SPAG7: variants seen among roughly 807,000 people sequenced by gnomAD.
SPAG7 encodes the protein sperm-associated antigen 7.
SPAG7 carries 20 observed loss-of-function variants against 30.6 expected under a neutral mutation model. The ratio of observed to expected loss-of-function variants is 0.65; its 90% CI spans 0.46 to 0.95. The LOEUF (loss-of-function observed/expected upper bound fraction) is 0.95. Ranked by LOEUF, SPAG7 falls within the 40% of genes least tolerant of loss-of-function variation. SPAG7 has a pLI of 0.00. For missense variants in SPAG7, 276 were observed against 291.1 expected (o/e 0.95, Z 0.38); for synonymous variants, 127 against 104.2 (o/e 1.22, Z -1.33).
intron 1 of SPAG7, among the ~76,000 whole-genome samples, chr17:4,962,928 A>T (rs1270083250): frequency 6.2e-5 from 9 of 146,114 alleles, no homozygotes; most frequent in Non-Finnish European, 1.4e-4. Context: ...GCCTTGGCTA[A>T]TTTTTTTTTT....
chr17:4,959,644 C>T lies in SPAG7; in HGVS notation c.575-1G>A. 1 of 1,614,000 alleles carries T rather than the reference C, an allele frequency of 6.2e-7. No homozygotes were observed. Among genetic ancestry groups the T allele is most frequent in the Non-Finnish European group, 8.5e-7 (1 of 1,179,942 alleles). ...GTGTCCCTCTTATTGGCCACGGGCA[C>T]TAGGGGCAGAGAGGAGGGTAGGGCG... On this transcript the variant is annotated splice_acceptor_variant, in intron 6 of 6. Coordinates refer to ENST00000206020, the MANE Select transcript of SPAG7 (RefSeq NM_004890.3). LOFTEE classifies it high-confidence loss of function.
intron 1 of SPAG7, chr17:4,966,842 G>A: frequency 1.0e-6 from 1 of 985,502 alleles, no homozygotes; most frequent in Non-Finnish European, 1.2e-6. Flanking sequence ...TACTTGGAAG[G>A]CGTCCTGCCT....
Position 4,967,756 on chromosome 17 carries a change from T to C in SPAG7, c.49A>G (p.Ser17Gly), listed in dbSNP as rs1971994044. ...SILSSMEKPPSLGDQETRRKA... is the reference protein window; with the variant it reads ...SILSSMEKPPGLGDQETRRKA... ...CGCCGAGTCTCCTGGTCACCGAGGC[T>C]GGGTGGCTTCTCCATGGAGCTCAGG... Residue 17 changes from serine to glycine, a missense_variant, in exon 1 of 7, where the codon AGC becomes GGC. Coordinates refer to ENST00000206020, the MANE Select transcript of SPAG7 (RefSeq NM_004890.3). 6.2e-7 allele frequency: 1 copy of C among 1,614,128 alleles called. No homozygotes were observed. Among genetic ancestry groups the C allele is most frequent in the Non-Finnish European group, 8.5e-7 (1 of 1,179,994 alleles).
chr17:4,960,867 A>G lies in SPAG7; in HGVS notation c.86-14T>C. On this transcript the variant is annotated splice_polypyrimidine_tract_variant and intron_variant, in intron 1 of 6. Transcript: ENST00000206020. ...GGGCGGCCTGTTCTGGGGGTGAGAAATGGCAACATGAAGCCAGGGCTGGAA... is the reference window on the plus strand; with the variant it reads ...GGGCGGCCTGTTCTGGGGGTGAGAAGTGGCAACATGAAGCCAGGGCTGGAA... 3 of 1,613,362 alleles carry G rather than the reference A, an allele frequency of 1.9e-6. No individual in the cohort carries two copies. The highest frequency in any genetic ancestry group is 2.5e-6 in the Non-Finnish European group (3 of 1,179,536).
At chr17:4,960,886 G>A (rs371676717) in intron 1 of SPAG7, 33 bp from the exon 2 acceptor site, 39 of 1,601,266 alleles carry the variant, frequency 2.4e-5, no homozygotes, top group Non-Finnish European at 3.2e-5. Flanking sequence ...TGAAGCCAGG[G>A]CTGGAAGCAT....
intron 1 of SPAG7, among the ~76,000 whole-genome samples, chr17:4,963,326 G>A (rs1271272464): frequency 2.0e-5 from 3 of 151,958 alleles, no homozygotes; most frequent in Non-Finnish European, 4.4e-5. Context: ...AGGTCTAGGT[G>A]ACAGAGCAAG....
intron 1 of SPAG7, chr17:4,966,709 T>C (rs1971959170): frequency 3.0e-6 from 3 of 985,470 alleles, no homozygotes; most frequent in African/African-American, 1.7e-5. Flanking sequence ...TAAACTTACG[T>C]GTGATCACTG....
At position 4,959,529 on chromosome 17, in the gene SPAG7, G is replaced by A; in HGVS notation, c.*5C>T. The A allele has an allele frequency of 1.2e-6, 2 of 1,610,828 alleles. No individual in the cohort carries two copies. Among genetic ancestry groups the A allele is most frequent in the Non-Finnish European group, 1.7e-6 (2 of 1,179,012 alleles). On this transcript the variant is annotated 3_prime_UTR_variant, in exon 7 of 7. Transcript: ENST00000206020. ...CCAGGGGTCAAAGGGAGCTGGGCGG[G>A]GCGCCTAGGAGGTTGGCGGCAACTC... is the stretch of plus-strand genomic sequence containing the variant.
In SPAG7 at chr17:4,960,306, C is replaced by T; in HGVS notation, c.255G>A (p.Val85=). Residue 85 remains valine, a synonymous_variant, in exon 4 of 7, where the codon GTG becomes GTA. Coordinates refer to ENST00000206020, the MANE Select transcript of SPAG7 (RefSeq NM_004890.3). ...KIERSILHDV[V]EVAGLTSFSF... is the part of the protein sequence containing the mutation. Reference sequence around the variant, plus strand: ...AGAAGGATGTCAGGCCAGCCACTTCCACCACATCATGTCTGGGATGGGATG... The same window carrying T: ...AGAAGGATGTCAGGCCAGCCACTTCTACCACATCATGTCTGGGATGGGATG... The T allele has an allele frequency of 6.2e-7, 1 of 1,614,154 alleles. No homozygotes were observed. The highest frequency in any genetic ancestry group is 8.5e-7 in the Non-Finnish European group (1 of 1,180,002).
chr17:4,960,709 T>G, intron 2 of SPAG7, 77 bp downstream of exon 2: 1 of 1,492,418 alleles, frequency 6.7e-7, no homozygotes, highest in Admixed American at 1.7e-5. Context: ...TCAGCAAAAC[T>G]GAGTCCTCAA....
At position 4,967,817 on chromosome 17, in the gene SPAG7, T is replaced by C. The variant is rs944606632; in HGVS notation, c.-13A>G. The C allele has an allele frequency of 1.2e-6, 2 of 1,600,096 alleles. No individual in the cohort carries two copies. The highest frequency in any genetic ancestry group is 1.7e-6 in the Non-Finnish European group (2 of 1,167,582). Reference sequence around the variant, plus strand: ...GTAGGTCCGCCATCTTGGGAGTGACTGAGAGGGGGCGGTGCGTCTTAAAGG... The same window carrying C: ...GTAGGTCCGCCATCTTGGGAGTGACCGAGAGGGGGCGGTGCGTCTTAAAGG... On this transcript the variant is annotated 5_prime_UTR_variant, in exon 1 of 7. Transcript: ENST00000206020.
intron 3 of SPAG7, 68 bp downstream of exon 3, chr17:4,960,391 C>A: frequency 5.6e-6 from 9 of 1,595,098 alleles, no homozygotes; most frequent in East Asian, 2.2e-5. Flanking sequence ...CTGGAGGAGC[C>A]CCCCGCTGGC....
intron 1 of SPAG7, among the ~76,000 whole-genome samples, chr17:4,967,445 A>G (rs1272661061): frequency 6.6e-6 from 1 of 152,244 alleles, no homozygotes; most frequent in Non-Finnish European, 1.5e-5. Flanking sequence ...CCAGGTCAGC[A>G]GCGGACAGGC....
chr17:4,962,852 C>T (rs1971885959), intron 1 of SPAG7, among the ~76,000 whole-genome samples: 1 of 151,922 alleles, frequency 6.6e-6, no homozygotes, highest in Non-Finnish European at 1.5e-5. Flanking sequence ...GTCTCGAACT[C>T]GGCTTCAAAT....
intron 1 of SPAG7, among the ~76,000 whole-genome samples, chr17:4,964,590 T>C (rs1288609098): frequency 2.0e-5 from 3 of 152,016 alleles, no homozygotes; most frequent in Non-Finnish European, 4.4e-5. Context: ...CTTGATCTCC[T>C]GACCTCATGA....
intron 1 of SPAG7, 80 bp from the exon 2 acceptor site, chr17:4,960,933 G>A: frequency 2.4e-6 from 3 of 1,225,294 alleles, no homozygotes; most frequent in Non-Finnish European, 2.4e-6. Flanking sequence ...AGTGAAGTGT[G>A]GTGTCCACTG....
chr17:4,967,229 C>T (rs1971973862), intron 1 of SPAG7: 1 of 995,474 alleles, frequency 1.0e-6, no homozygotes, highest in Non-Finnish European at 1.2e-6. Context: ...GGCAAGAACA[C>T]ACAGAGGACC....
rs1971819343 is a variant in SPAG7, at chr17:4,959,408, G to C, written c.*126C>G. ...CAAATCAAACACCTGTTTTCCCCCA[G>C]CCTGAGGGACAGCTGGTAGGAGGTG... is the stretch of plus-strand genomic sequence containing the variant. On this transcript the variant is annotated 3_prime_UTR_variant, in exon 7 of 7. Transcript: ENST00000206020. 2.8e-6 allele frequency: 2 copies of C among 725,798 alleles called. No homozygotes were observed. The highest frequency in any genetic ancestry group is 4.7e-6 in the Non-Finnish European group (2 of 423,352). 45.0% of individuals were successfully genotyped at this position (725,798 alleles called of 1,614,324 possible).
At chr17:4,963,951 T>C (rs578099240) in intron 1 of SPAG7, among the ~76,000 whole-genome samples, 1 of 152,180 alleles carries the variant, frequency 6.6e-6, no homozygotes, top group African/African-American at 2.4e-5. Flanking sequence ...TGCCTGAAGA[T>C]GCCCGAGACC....
Sources: gnomAD v4.1 joint callset for allele counts (sites outside exome capture counted in the v4.1 genomes callset) on GRCh38, gnomAD v4.1.1 for gene constraint, MANE v1.5 for transcripts, NCBI Gene and HGNC (gene_info 2026-07-23, HGNC 2026-07-21) for gene names.